LHX3: variants seen among roughly 807,000 people sequenced by gnomAD.
The protein encoded by LHX3 is LIM/homeobox protein Lhx3.
In LHX3, 21 loss-of-function variants were observed where a neutral mutation model predicts 32.4. That is an observed-to-expected ratio of 0.65 (90% CI 0.46 to 0.93). The LOEUF is 0.93. Among genes scored for constraint, LHX3 ranks in the 40% least tolerant of loss-of-function variants. The probability of loss-of-function intolerance (pLI) is 0.00; values close to 1 mark genes in which losing one functional copy is unlikely to be tolerated. For missense variants in LHX3, 626 were observed against 560.0 expected, an observed-to-expected ratio of 1.12 and a Z score of -1.19; for synonymous variants, 258 against 246.8, an observed-to-expected ratio of 1.05 and a Z score of -0.43.
intron 2 of LHX3, chr9:136,200,155 C>A: frequency 3.4e-6 from 2 of 584,812 alleles, no homozygotes; most frequent in South Asian, 1.9e-5. Flanking sequence ...GGGAGAGGAC[C>A]CATCTGGGGC....
intron 1 of LHX3, among the ~76,000 whole-genome samples, chr9:136,202,223 G>A (rs1026624856): frequency 6.6e-6 from 1 of 151,380 alleles, no homozygotes; most frequent in African/African-American, 2.4e-5. Flanking sequence ...AATAAGTAGG[G>A]AACCGCGAGC....
In LHX3 at chr9:136,199,753, T is replaced by G. The variant is rs1388829979; in HGVS notation, c.379A>C (p.Thr127Pro). ...ACVVCKRQLA[T>P]GDEFYLMEDS... ...TCCATGAGGTAGAACTCGTCGCCCG[T>G]GGCCAGCTGCCGCTTGCACACGACG... is the stretch of plus-strand genomic sequence containing the variant. Residue 127 changes from threonine to proline, a missense_variant, in exon 3 of 6, where the codon ACG (threonine) becomes CCG (proline). Coordinates refer to ENST00000371748, the MANE Select transcript of LHX3 (RefSeq NM_178138.6). The G allele has an allele frequency of 8.1e-6, 13 of 1,612,646 alleles. No homozygotes were observed. The highest frequency in any genetic ancestry group is 1.3e-5 in the African/African-American group (1 of 74,918).
At position 136,198,626 on chromosome 9, in the gene LHX3, C is replaced by CA. The variant is rs768065671; in HGVS notation, c.775+25_775+26insT. On this transcript the variant is annotated intron_variant, in intron 5 of 5. Transcript: ENST00000371748. ...CCCGCCGACGCGCGCTCGTCCCCCCCCGAGCTCCGCGATCCCTCCGCCTAC... is the reference window on the plus strand; with the variant it reads ...CCCGCCGACGCGCGCTCGTCCCCCCCACGAGCTCCGCGATCCCTCCGCCTAC... 7.7e-6 allele frequency: 12 copies of CA among 1,560,270 alleles called. No individual in the cohort carries two copies. In the East Asian group the frequency reaches 1.9e-4, roughly 25 times the overall value.
intron 1 of LHX3, chr9:136,202,985 G>C (rs1296274618): frequency 5.9e-6 from 9 of 1,527,594 alleles, no homozygotes; most frequent in Admixed American, 2.0e-5. Context: ...AGTGCTAGCA[G>C]CAGGTCGCCT....
rs1831687015 is a variant in LHX3, at chr9:136,203,161, CG to C, written c.79+1772del. 19 of 1,305,028 alleles carry C rather than the reference CG, an allele frequency of 1.5e-5. No homozygotes were observed. The South Asian group carries it at 3.7e-4, about 25-fold the overall frequency. The allele number at this position is 1,305,028 out of a possible 1,614,324, so 80.8% of individuals were successfully genotyped here. Reference sequence around the variant, plus strand: ...TCCGGGTGCTGCTGGGCGCTGCGCCCGCGGGCCGCCCTGGGGCCCGGAGCCT... The same window carrying C: ...TCCGGGTGCTGCTGGGCGCTGCGCCCCGGGCCGCCCTGGGGCCCGGAGCCT... On this transcript the variant is annotated intron_variant, in intron 1 of 5. Coordinates refer to ENST00000371748, the MANE Select transcript of LHX3 (RefSeq NM_178138.6).
At chr9:136,201,673 G>C (rs763460521) in intron 1 of LHX3, 1 of 988,798 alleles carries the variant, frequency 1.0e-6, no homozygotes, top group Non-Finnish European at 1.2e-6. Flanking sequence ...CCATCTCCCA[G>C]TGGGTGAGAG....
chr9:136,198,743 G>T lies in LHX3; in HGVS notation c.684C>A (p.Phe228Leu). 3.7e-6 allele frequency: 6 copies of T among 1,611,564 alleles called. No individual in the cohort carries two copies. The highest frequency in any genetic ancestry group is 5.1e-6 in the Non-Finnish European group (6 of 1,179,848). Residue 228 changes from phenylalanine (F) to leucine (L), a missense_variant, in exon 5 of 6, where the codon TTC becomes TTA. Coordinates refer to ENST00000371748, the MANE Select transcript of LHX3 (RefSeq NM_178138.6). ...CGCCGCGGGAGCGCTTCATGTTGCGGAAATACTGCCCCCAGCGCTGCCGGC... is the reference window on the plus strand; with the variant it reads ...CGCCGCGGGAGCGCTTCATGTTGCGTAAATACTGCCCCCAGCGCTGCCGGC... Reference protein sequence around the residue: ...DAGRQRWGQYFRNMKRSRGGS... With the variant: ...DAGRQRWGQYLRNMKRSRGGS...
intron 5 of LHX3, 27 bp downstream of exon 5, chr9:136,198,625 C>G (rs567314082): frequency 4.1e-4 from 634 of 1,559,624 alleles, no homozygotes; most frequent in Non-Finnish European, 5.1e-4. Context: ...CTCGTCCCCC[C>G]CCGAGCTCCG....
intron 1 of LHX3, chr9:136,201,697 G>T: frequency 1.0e-6 from 1 of 987,236 alleles, no homozygotes. Flanking sequence ...CCAGGAAGGG[G>T]CTCCCTCGAC....
chr9:136,197,012 G>A lies in LHX3; in HGVS notation c.*313C>T. On this transcript the variant is annotated 3_prime_UTR_variant, in exon 6 of 6. Coordinates refer to ENST00000371748, the MANE Select transcript of LHX3 (RefSeq NM_178138.6). ...CTATGCTGGGCTGGGCTGGGCCTCA[G>A]CAAGGTGACATTTCATGTCTAGAAA... 1 of 496,124 alleles carries A rather than the reference G, an allele frequency of 2.0e-6. No individual in the cohort carries two copies. Among genetic ancestry groups the A allele is most frequent in the South Asian group, 2.4e-5 (1 of 41,994 alleles). The allele number at this position is 496,124 out of a possible 1,614,324, so 30.7% of individuals were successfully genotyped here.
At chr9:136,201,215 A>C in intron 1 of LHX3, 1 of 1,299,048 alleles carries the variant, frequency 7.7e-7, no homozygotes, top group Non-Finnish European at 9.7e-7. Context: ...CGTCATGGCC[A>C]CTCTTTCTAG....
At chr9:136,204,058 G>A (rs1236636123) in intron 1 of LHX3, among the ~76,000 whole-genome samples, 2 of 152,258 alleles carry the variant, frequency 1.3e-5, no homozygotes, top group African/African-American at 4.8e-5. Flanking sequence ...GAAACACACA[G>A]GAAGGGTTGG....
intron 3 of LHX3, among the ~76,000 whole-genome samples, 198 bp from the exon 4 acceptor site, chr9:136,199,257 G>A (rs1445856293): frequency 6.6e-6 from 1 of 152,126 alleles, no homozygotes; most frequent in Non-Finnish European, 1.5e-5. Context: ...TGGAGGGGGC[G>A]CCGGCGGAGG....
At position 136,197,555 on chromosome 9, in the gene LHX3, CG is replaced by C; in HGVS notation, c.963del (p.Ala322ProfsTer37). 7.9e-7 allele frequency: 1 copy of C among 1,268,858 alleles called. No homozygotes were observed. 78.6% of individuals were successfully genotyped at this position (1,268,858 alleles called of 1,614,324 possible). On this transcript the variant is annotated frameshift_variant, in exon 6 of 6. Coordinates refer to ENST00000371748, the MANE Select transcript of LHX3 (RefSeq NM_178138.6). LOFTEE classifies it low-confidence loss of function (END_TRUNC). ...PGSPYGVPPS[P>X]AAPQSLPGPQ... ...GGGCCAGGGAGGCTCTGCGGGGCGG[CG>C]GGGGATGGGGGGACACCGTAGGGGC... is the stretch of plus-strand genomic sequence containing the variant.
intron 1 of LHX3, chr9:136,201,279 G>A (rs1019895416): frequency 7.9e-6 from 10 of 1,271,890 alleles, no homozygotes; most frequent in Non-Finnish European, 8.9e-6. Flanking sequence ...GCAGGCCTCC[G>A]GGGTAAATAT....
Position 136,204,926 on chromosome 9 carries a change from G to C in LHX3, c.79+8C>G. The stretch of plus-strand genomic sequence containing the variant: ...CGTTTCTGTCCTCAGTGTCCTGCTG[G>C]GGCTTACCCCGAGTCCCGCCCAAGG... On this transcript the variant is annotated splice_region_variant and intron_variant, in intron 1 of 5. Transcript: ENST00000371748. 6.3e-7 allele frequency: 1 copy of C among 1,593,690 alleles called. No homozygotes were observed. Among genetic ancestry groups the C allele is most frequent in the African/African-American group, 1.3e-5 (1 of 74,710 alleles).
chr9:136,204,994 GC>G lies in LHX3; in HGVS notation c.18del (p.Leu7SerfsTer166). 1 of 1,591,150 alleles carries G rather than the reference GC, an allele frequency of 6.3e-7. No homozygotes were observed. The highest frequency in any genetic ancestry group is 8.5e-7 in the Non-Finnish European group (1 of 1,173,490). On this transcript the variant is annotated frameshift_variant, in exon 1 of 6. Coordinates refer to ENST00000371748, the MANE Select transcript of LHX3 (RefSeq NM_178138.6). LOFTEE classifies it high-confidence loss of function. The part of the protein sequence containing the change: MLLET[G>X]LERDRARPGA... ...CCGGGCCTCGCTCGGTCGCGCTCGA[GC>G]CCCGTTTCCAGCAGCATCGCGGCCA...
chr9:136,204,846 T>G, intron 1 of LHX3, 88 bp downstream of exon 1: 1 of 1,106,212 alleles, frequency 9.0e-7, no homozygotes, highest in Non-Finnish European at 1.3e-6. Context: ...GGACTTTCTT[T>G]GCCTGGCCGC....
chr9:136,203,912 A>G (rs2131041008), intron 1 of LHX3, among the ~76,000 whole-genome samples: 1 of 152,334 alleles, frequency 6.6e-6, no homozygotes, highest in Non-Finnish European at 1.5e-5. Context: ...TTGCAGGCAG[A>G]GGGACGCACC....
Sources: gnomAD v4.1 joint callset for allele counts (sites outside exome capture counted in the v4.1 genomes callset) on GRCh38, gnomAD v4.1.1 for gene constraint, MANE v1.5 for transcripts, NCBI Gene and HGNC (gene_info 2026-07-23, HGNC 2026-07-21) for gene names.